GRIN2B: variants seen among roughly 807,000 people sequenced by gnomAD.
GRIN2B encodes glutamate ionotropic receptor NMDA type subunit 2B.
In GRIN2B, 5 loss-of-function variants were observed where a neutral mutation model predicts 114.5. That is an observed-to-expected ratio of 0.04 (90% confidence interval 0.02 to 0.09). GRIN2B has a LOEUF of 0.09. Among genes scored for constraint, GRIN2B ranks in the 10% least tolerant of loss-of-function variants. GRIN2B has a pLI of 1.00. For synonymous variants in GRIN2B, 787 were observed against 745.1 expected (o/e 1.06, Z -0.92); for missense variants, 1,108 against 1,943.5 (o/e 0.57, Z 8.08).
intron 2 of GRIN2B, among the ~76,000 whole-genome samples, chr12:13,952,164 A>C (rs1456703969): frequency 6.6e-6 from 1 of 152,118 alleles, no homozygotes; most frequent in African/African-American, 2.4e-5. Flanking sequence ...CTATATGTGC[A>C]TGTCAGGTGC....
intron 2 of GRIN2B, among the ~76,000 whole-genome samples, chr12:13,929,466 C>G (rs1206824184): frequency 6.6e-6 from 1 of 152,196 alleles, no homozygotes; most frequent in African/African-American, 2.4e-5. Context: ...AGTCTCAGCC[C>G]AGATCCAATC....
chr12:13,879,113 C>T (rs1220519143), intron 2 of GRIN2B, among the ~76,000 whole-genome samples: 6 of 152,012 alleles, frequency 3.9e-5, no homozygotes, highest in East Asian at 1.9e-4. Context: ...TACAATCATG[C>T]GTGGCTTAAT....
chr12:13,669,261 G>A (rs773269784), intron 5 of GRIN2B, among the ~76,000 whole-genome samples: 2 of 151,872 alleles, frequency 1.3e-5, no homozygotes, highest in African/African-American at 2.4e-5. Context: ...TCTCAGAGGA[G>A]AAAGTGAACA....
Position 13,557,291 on chromosome 12 carries a change from A to T in GRIN2B, c.*5492T>A, listed in dbSNP as rs1477015736. 6.6e-6 allele frequency: 1 copy of T among 152,178 alleles called. No individual in the cohort carries two copies. Among genetic ancestry groups the T allele is most frequent in the African/African-American group, 2.4e-5 (1 of 41,430 alleles). The allele number at this position is 152,178 out of a possible 1,614,324, so 9.4% of individuals were successfully genotyped here. A position where few individuals can be genotyped will look rare whatever the true frequency, so the allele number is the denominator to read the frequency against. On this transcript the variant is annotated 3_prime_UTR_variant, in exon 14 of 14. Coordinates refer to ENST00000609686, the MANE Select transcript of GRIN2B (RefSeq NM_000834.5). ...GTCATCCCAAACATCTGCTAGGCCT[A>T]AGAAACAATTGCCCCCCAGGTTAAG...
At chr12:13,849,451 C>T (rs1865522194) in intron 3 of GRIN2B, among the ~76,000 whole-genome samples, 1 of 152,114 alleles carries the variant, frequency 6.6e-6, no homozygotes, top group Non-Finnish European at 1.5e-5. Flanking sequence ...TTCCTCTCTT[C>T]CTGGGCTCTG....
At chr12:13,648,244 T>C (rs962419926) in intron 5 of GRIN2B, among the ~76,000 whole-genome samples, 11 of 152,042 alleles carry the variant, frequency 7.2e-5, no homozygotes, top group Non-Finnish European at 1.0e-4. Context: ...CAACGGACAG[T>C]TGAGAACTTA....
At chr12:13,935,944 T>G (rs1192029792) in intron 2 of GRIN2B, among the ~76,000 whole-genome samples, 1 of 152,218 alleles carries the variant, frequency 6.6e-6, no homozygotes, top group African/African-American at 2.4e-5. Flanking sequence ...CCTGGCTTTT[T>G]GGCCTAGAGA....
intron 3 of GRIN2B, among the ~76,000 whole-genome samples, chr12:13,784,159 G>A (rs1311008189): frequency 6.8e-6 from 1 of 147,680 alleles, no homozygotes; most frequent in African/African-American, 2.5e-5. Flanking sequence ...GGGAGGCGGA[G>A]CTTGCAGTGA....
chr12:13,585,534 A>C (rs1351488587), intron 10 of GRIN2B, among the ~76,000 whole-genome samples: 1 of 152,192 alleles, frequency 6.6e-6, no homozygotes, highest in Non-Finnish European at 1.5e-5. Flanking sequence ...CGATCCCACC[A>C]CGCACACTGC....
At chr12:13,722,367 T>C (rs1475354576) in intron 4 of GRIN2B, among the ~76,000 whole-genome samples, 4 of 152,010 alleles carry the variant, frequency 2.6e-5, no homozygotes, top group Non-Finnish European at 4.4e-5. Flanking sequence ...AAGCCTGAGA[T>C]CCAAAATTTA....
chr12:13,647,523 C>T (rs908611701), intron 5 of GRIN2B, among the ~76,000 whole-genome samples: 11 of 152,000 alleles, frequency 7.2e-5, no homozygotes, highest in Non-Finnish European at 1.5e-4. Context: ...TGATTTTGAA[C>T]CCATAATGTA....
chr12:13,827,279 T>G (rs1426071357), intron 3 of GRIN2B, among the ~76,000 whole-genome samples: 1 of 150,850 alleles, frequency 6.6e-6, no homozygotes, highest in African/African-American at 2.4e-5. Context: ...TTAAATCTGT[T>G]GATTTATAGT....
chr12:13,779,107 G>T (rs1309102489), intron 3 of GRIN2B, among the ~76,000 whole-genome samples: 1 of 152,178 alleles, frequency 6.6e-6, no homozygotes, highest in African/African-American at 2.4e-5. Context: ...GGAGTGCAGT[G>T]GTGCACTCTC....
intron 5 of GRIN2B, among the ~76,000 whole-genome samples, chr12:13,648,631 G>C (rs1422685431): frequency 3.3e-5 from 5 of 151,878 alleles, no homozygotes; most frequent in African/African-American, 7.2e-5. Flanking sequence ...TTTGACAATA[G>C]GCAGGGTCCA....
At chr12:13,738,434 G>T (rs984989184) in intron 4 of GRIN2B, among the ~76,000 whole-genome samples, 4 of 152,100 alleles carry the variant, frequency 2.6e-5, no homozygotes, top group African/African-American at 9.7e-5. Context: ...TTGTTTTGAT[G>T]CTCATGTTGC....
In GRIN2B at chr12:13,753,171, A is replaced by T. The variant is rs570198178; in HGVS notation, c.1010+146T>A. ...AGGTTGGATCCAAAACACTCCCCCA[A>T]TCATGACCAATTGCCATGCCCAAGG... is the stretch of plus-strand genomic sequence containing the variant. On this transcript the variant is annotated intron_variant, in intron 4 of 13. Transcript: ENST00000609686. This position sits in a 1 kb window ranked among gnomAD's most constrained non-coding sequence, Gnocchi z 6.2. 6.6e-6 allele frequency: 5 copies of T among 754,860 alleles called. No homozygotes were observed. Among genetic ancestry groups the T allele is most frequent in the Non-Finnish European group, 9.7e-6 (4 of 413,064 alleles). 46.8% of individuals were successfully genotyped at this position (754,860 alleles called of 1,614,324 possible). A position where few individuals can be genotyped will look rare whatever the true frequency, so the allele number is the denominator to read the frequency against.
chr12:13,660,298 A>G (rs1949909305), intron 5 of GRIN2B, among the ~76,000 whole-genome samples: 1 of 152,092 alleles, frequency 6.6e-6, no homozygotes, highest in Non-Finnish European at 1.5e-5. Flanking sequence ...CTACCACATC[A>G]TATTCTTCCC....
intron 2 of GRIN2B, among the ~76,000 whole-genome samples, chr12:13,916,924 T>C (rs1172724893): frequency 6.6e-6 from 1 of 151,886 alleles, no homozygotes; most frequent in Non-Finnish European, 1.5e-5. Context: ...AGAAAGGCTT[T>C]ACGAAGAGGT....
In GRIN2B at chr12:13,552,199, A is replaced by C. The variant is rs2136389978; in HGVS notation, c.*10584T>G. On this transcript the variant is annotated 3_prime_UTR_variant, in exon 14 of 14. Coordinates refer to ENST00000609686, the MANE Select transcript of GRIN2B (RefSeq NM_000834.5). ...GTCACTCCCTCTGCCCAGGGTGATG[A>C]TCAAGGGCTCCTTGGGTGCTGTAAT... 1 of 152,292 alleles carries C rather than the reference A, an allele frequency of 6.6e-6. No individual in the cohort carries two copies. Among genetic ancestry groups the C allele is most frequent in the East Asian group, 1.9e-4 (1 of 5,172 alleles). 9.4% of individuals were successfully genotyped at this position (152,292 alleles called of 1,614,324 possible).
Sources: gnomAD v4.1 joint callset for allele counts (sites outside exome capture counted in the v4.1 genomes callset) on GRCh38, gnomAD v4.1.1 for gene constraint, Gnocchi (gnomAD v3.1) non-coding constraint, MANE v1.5 for transcripts, NCBI Gene and HGNC (gene_info 2026-07-23, HGNC 2026-07-21) for gene names.